The following ERN2 variants were observed in gnomAD, a reference collection of about 807,000 sequenced individuals.
The protein encoded by ERN2 is serine/threonine-protein kinase/endoribonuclease IRE2.
In ERN2, 111 loss-of-function variants were observed where a neutral mutation model predicts 107.9. The ratio of observed to expected loss-of-function variants is 1.03; its 90% CI spans 0.88 to 1.20. The LOEUF (loss-of-function observed/expected upper bound fraction) is 1.20, where lower values mean the gene tolerates loss of function less well. ERN2 is among the 50% of genes most tolerant of loss of function. The pLI, the probability that ERN2 is intolerant of heterozygous loss-of-function variation, is 0.00. For missense variants in ERN2, 1,225 were observed against 1,197.9 expected, an observed-to-expected ratio of 1.02 and a Z score of -0.33; for synonymous variants, 524 against 501.7, an observed-to-expected ratio of 1.04 and a Z score of -0.59.
At chr16:23,707,150 C>T (rs1283155349) in intron 4 of ERN2, 71 bp from the exon 5 acceptor site, 2 of 1,062,848 alleles carry the variant, frequency 1.9e-6, no homozygotes, top group South Asian at 1.3e-5. Context: ...CAGGTGAGCC[C>T]ATTTCCATAG....
Position 23,710,539 on chromosome 16 carries a change from G to T in ERN2, c.210C>A (p.Ile70=). The T allele has an allele frequency of 1.2e-6, 2 of 1,614,120 alleles. No individual in the cohort carries two copies. The highest frequency in any genetic ancestry group is 1.7e-6 in the Non-Finnish European group (2 of 1,180,032). The change falls in exon 3 of 22, where the codon ATC becomes ATA. Residue 70 remains isoleucine (I), a synonymous_variant. Coordinates refer to ENST00000256797, the MANE Select transcript of ERN2 (RefSeq NM_033266.4). ...ACTCTGTGACGTACATTGGTCCTTC[G>T]ATGACGGGATCTGCAGGGACAGGGA... ...LKWTLRDDPV[I]EGPMYVTEMA...
chr16:23,695,722 C>CAAAAAA lies in ERN2; in HGVS notation c.1610+166_1610+171dup, dbSNP rs57103138. Among the ~76,000 whole-genome samples, 141 of 37,370 alleles carry CAAAAAA rather than the reference C, an allele frequency of 3.8e-3. 4 individuals are homozygous for CAAAAAA. Among genetic ancestry groups the CAAAAAA allele is most frequent in the African/African-American group, 8.2e-3 (85 of 10,414 alleles). The allele number at this position is 37,370 out of a possible 152,430, so 24.5% of individuals were successfully genotyped here. Reference sequence around the variant, plus strand: ...CCAGCCTGGGCAACAGAGCAAGACTCAAAAAAAAAAAAAAAAAAAAAAAAA... The same window carrying CAAAAAA: ...CCAGCCTGGGCAACAGAGCAAGACTCAAAAAAAAAAAAAAAAAAAAAAAAAAAAAAA... On this transcript the variant is annotated intron_variant, in intron 14 of 21. Coordinates refer to ENST00000256797, the MANE Select transcript of ERN2 (RefSeq NM_033266.4).
chr16:23,706,774 C>G lies in ERN2; in HGVS notation c.467G>C (p.Arg156Pro), dbSNP rs201055598. Reference sequence around the variant, plus strand: ...CTCACGTGTTCGGCCAATGTAGAGGCGGGGGGTGGAGGGACCCTCTGTGGT... The same window carrying G: ...CTCACGTGTTCGGCCAATGTAGAGGGGGGGGGTGGAGGGACCCTCTGTGGT... The part of the protein sequence containing the change: ...TLTTEGPSTP[R>P]LYIGRTQYTV... The change falls in exon 6 of 22, where the codon CGC becomes CCC. Residue 156 changes from arginine to proline, a missense_variant. Arg to Pro is a moderately radical substitution (Grantham distance 103). Coordinates refer to ENST00000256797, the MANE Select transcript of ERN2 (RefSeq NM_033266.4). 2.0e-5 allele frequency: 32 copies of G among 1,608,574 alleles called. No individual in the cohort carries two copies. The African/African-American group carries it at 4.0e-4, about 20-fold the overall frequency.
rs1567255354 is a variant in ERN2 at position 23,710,238 on chromosome 16, G to A, written c.240C>T (p.Ala80=). ...IEGPMYVTEM[A]FLSDPADGSL... Reference sequence around the variant, plus strand: ...TGCCATCTGCTGGGTCAGAGAGAAAGGCCATTCTGTGGAGCAGAGAGAAAC... The same window carrying A: ...TGCCATCTGCTGGGTCAGAGAGAAAAGCCATTCTGTGGAGCAGAGAGAAAC... Residue 80 remains alanine (A), a synonymous_variant, in exon 4 of 22, where the codon GCC becomes GCT. Coordinates refer to ENST00000256797, the MANE Select transcript of ERN2 (RefSeq NM_033266.4). 6 of 1,613,792 alleles carry A rather than the reference G, an allele frequency of 3.7e-6. No homozygotes were observed. Among genetic ancestry groups the A allele is most frequent in the Non-Finnish European group, 5.1e-6 (6 of 1,179,708 alleles).
chr16:23,695,734 A>AAAAAAAC (rs1173927091), intron 14 of ERN2, among the ~76,000 whole-genome samples, 160 bp downstream of exon 14: 4 of 151,146 alleles, frequency 2.6e-5, no homozygotes, highest in African/African-American at 9.7e-5. Flanking sequence ...AAAAAAAAAA[A>AAAAAAAC]AAAAAAAAAA....
chr16:23,701,302 A>G (rs146271134), intron 11 of ERN2, among the ~76,000 whole-genome samples, 188 bp from the exon 12 acceptor site: 1 of 152,308 alleles, frequency 6.6e-6, no homozygotes, highest in African/African-American at 2.4e-5. Flanking sequence ...TTCTAAACCT[A>G]CCCAATGACC....
Position 23,710,975 on chromosome 16 carries a change from A to G in ERN2, c.137T>C (p.Leu46Ser). 6.2e-7 allele frequency: 1 copy of G among 1,614,164 alleles called. No homozygotes were observed. Among genetic ancestry groups the G allele is most frequent in the Non-Finnish European group, 8.5e-7 (1 of 1,179,992 alleles). ...RPENLLLVST[L>S]DGSLHALSKQ... ...GCTTAGTGCGTGGAGACTTCCATCC[A>G]AGGTGGACACCAGCAGGAGGTTCTC... The change falls in exon 2 of 22, where the codon TTG (leucine) becomes TCG (serine). Residue 46 changes from leucine (L) to serine (S), a missense_variant. Transcript: ENST00000256797.
At chr16:23,697,144 C>T (rs1168855462) in intron 13 of ERN2, 1 of 150,924 alleles carries the variant, frequency 6.6e-6, no homozygotes, top group Non-Finnish European at 1.5e-5. Context: ...ACATTTCAGC[C>T]TGAGTGACAC....
Position 23,713,139 on chromosome 16 carries a change from G to A in ERN2, c.49C>T (p.Gln17Ter). 4 of 1,576,184 alleles carry A rather than the reference G, an allele frequency of 2.5e-6. No homozygotes were observed. Among genetic ancestry groups the A allele is most frequent in the African/African-American group, 1.4e-5 (1 of 73,992 alleles). ...AGCAGCAGCGCCGCGAACTGGAGCT[G>A]GAGCCCCAGCCGGGGCCACGGCCTC... ...GSRPWPRLGL[Q>*]LQFAALLLGT... Residue 17 changes from glutamine to a stop codon, truncating the protein, a stop_gained, in exon 1 of 22, where the codon CAG (glutamine) becomes TAG (stop). Transcript: ENST00000256797. LOFTEE classifies it high-confidence loss of function.
At position 23,699,266 on chromosome 16, in the gene ERN2, A is replaced by G. The variant is rs148344280; in HGVS notation, c.1525+1273T>C. On this transcript the variant is annotated intron_variant, in intron 13 of 21. Transcript: ENST00000256797. Reference sequence around the variant, plus strand: ...GCGAACAGCACTGGAGTATCAAGCCAAGTGTGGCATAGACTTCCGCCTGAG... The same window carrying G: ...GCGAACAGCACTGGAGTATCAAGCCGAGTGTGGCATAGACTTCCGCCTGAG... 5.8e-3 allele frequency among the ~76,000 whole-genome samples: 882 copies of G among 152,268 alleles called. 8 individuals carry two copies. The highest frequency in any genetic ancestry group is 0.02 in the African/African-American group (825 of 41,552).
chr16:23,710,255 G>C lies in ERN2; in HGVS notation c.234-11C>G, dbSNP rs761673160. The C allele has an allele frequency of 4.6e-5, 74 of 1,612,728 alleles. 1 individual carries two copies. The Middle Eastern group carries it at 2.0e-3, about 43-fold the overall frequency. Reference sequence around the variant, plus strand: ...GAGAGAAAGGCCATTCTGTGGAGCAGAGAGAAACAAGGAGACCAATGGGTT... The same window carrying C: ...GAGAGAAAGGCCATTCTGTGGAGCACAGAGAAACAAGGAGACCAATGGGTT... On this transcript the variant is annotated splice_polypyrimidine_tract_variant and intron_variant, in intron 3 of 21. Transcript: ENST00000256797.
intron 6 of ERN2, 29 bp downstream of exon 6, chr16:23,706,725 G>T: frequency 6.7e-7 from 1 of 1,485,542 alleles, no homozygotes; most frequent in Non-Finnish European, 9.3e-7. Context: ...GCTGCCCAGA[G>T]CTTGAGGAAC....
chr16:23,708,058 C>G (rs988954383), intron 4 of ERN2, among the ~76,000 whole-genome samples: 1 of 152,152 alleles, frequency 6.6e-6, no homozygotes, highest in African/African-American at 2.4e-5. Context: ...GTCACAAAGT[C>G]CTCACGGGCT....
In ERN2 at chr16:23,706,398, G is replaced by C; in HGVS notation, c.521C>G (p.Pro174Arg). 1.3e-6 allele frequency: 2 copies of C among 1,575,334 alleles called. No homozygotes were observed. Among genetic ancestry groups the C allele is most frequent in the Non-Finnish European group, 1.7e-6 (2 of 1,159,564 alleles). ...GTAGGTGGTGTTCCAGCGCAGGGCT[G>C]GGGCTCTTGGGTCATGCATGGTGAC... ...YTVTMHDPRA[P>R]ALRWNTTYRR... is the part of the protein sequence containing the mutation. The change falls in exon 7 of 22, where the codon CCA (proline) becomes CGA (arginine). Residue 174 changes from proline (P) to arginine (R), a missense_variant. By Grantham distance (103) the Pro-to-Arg change is moderately radical. Transcript: ENST00000256797.
rs149793439 is a variant in ERN2, at chr16:23,702,378, A to G, written c.1081+12T>C. ...TCTTCATCTACTCCCAATTTGAGCCAGAGGATCTCACCAATGAGCAGCCAC... is the reference window on the plus strand; with the variant it reads ...TCTTCATCTACTCCCAATTTGAGCCGGAGGATCTCACCAATGAGCAGCCAC... On this transcript the variant is annotated intron_variant, in intron 10 of 21. Coordinates refer to ENST00000256797, the MANE Select transcript of ERN2 (RefSeq NM_033266.4). 1,909 of 1,612,020 alleles carry G rather than the reference A, an allele frequency of 1.2e-3. 19 individuals are homozygous for G. The African/African-American group carries it at 0.021, about 18-fold the overall frequency.
intron 4 of ERN2, chr16:23,707,419 G>A (rs569977601): frequency 3.7e-5 from 12 of 328,626 alleles, no homozygotes; most frequent in Non-Finnish European, 6.4e-5. Flanking sequence ...CCACCTCCTC[G>A]AAAACTTGCA....
At chr16:23,694,666 A>AG in intron 17 of ERN2, 62 bp downstream of exon 17, 1 of 1,403,586 alleles carries the variant, frequency 7.1e-7, no homozygotes, top group South Asian at 1.3e-5. Context: ...GAACTGGGAC[A>AG]GGGACGGATT....
chr16:23,706,924 T>C (rs1960339843), intron 5 of ERN2, 63 bp from the exon 6 acceptor site: 6 of 1,571,602 alleles, frequency 3.8e-6, no homozygotes, highest in Non-Finnish European at 3.5e-6. Context: ...GCCCCGCCAC[T>C]CTTGTGCCTA....
intron 11 of ERN2, among the ~76,000 whole-genome samples, chr16:23,701,652 T>C (rs1960073192): frequency 6.6e-6 from 1 of 152,002 alleles, no homozygotes; most frequent in Non-Finnish European, 1.5e-5. Flanking sequence ...TTTTTTTTTT[T>C]TTGAGACAGG....
Sources: gnomAD v4.1 joint callset for allele counts (sites outside exome capture counted in the v4.1 genomes callset) on GRCh38, gnomAD v4.1.1 for gene constraint, MANE v1.5 for transcripts, NCBI Gene and HGNC (gene_info 2026-07-23, HGNC 2026-07-21) for gene names.